APPL2: variants seen among roughly 807,000 people sequenced by gnomAD.
APPL2 encodes DCC-interacting protein 13-beta.
APPL2 carries 84 observed loss-of-function variants against 92.7 expected under a neutral mutation model. The ratio of observed to expected loss-of-function variants is 0.91; its 90% CI spans 0.76 to 1.09. APPL2 has a LOEUF of 1.09. Among genes scored for constraint, APPL2 ranks in the 50% least tolerant of loss-of-function variants. APPL2 has a pLI of 0.00. For synonymous variants in APPL2, 291 were observed against 291.0 expected (o/e 1.00, Z 0.00); for missense variants, 736 against 824.5 (o/e 0.89, Z 1.31).
At chr12:105,180,460 CTCT>C (rs1886002359) in intron 17 of APPL2, among the ~76,000 whole-genome samples, 2 of 152,164 alleles carry the variant, frequency 1.3e-5, no homozygotes, top group South Asian at 2.1e-4. Flanking sequence ...GCTATGCGGG[CTCT>C]TTTTTGGTTC....
At chr12:105,181,271 T>C (rs559578633) in intron 17 of APPL2, among the ~76,000 whole-genome samples, 8 of 152,344 alleles carry the variant, frequency 5.3e-5, no homozygotes, top group African/African-American at 1.9e-4. Context: ...TTTACTGATT[T>C]GCGTATGTCG....
chr12:105,214,634 G>C (rs1889512280), intron 4 of APPL2, among the ~76,000 whole-genome samples: 1 of 152,218 alleles, frequency 6.6e-6, no homozygotes, highest in Admixed American at 6.5e-5. Flanking sequence ...CTCATCAATA[G>C]AAGTGCTAGG....
intron 17 of APPL2, chr12:105,177,542 ATCC>A (rs1431029624): frequency 2.6e-5 from 12 of 463,320 alleles, no homozygotes; most frequent in African/African-American, 7.8e-5. Context: ...CAGCATTATA[ATCC>A]TCAACAGATC....
intron 12 of APPL2, 32 bp from the exon 13 acceptor site, chr12:105,195,533 C>T: frequency 1.2e-6 from 2 of 1,614,162 alleles, no homozygotes; most frequent in African/African-American, 1.3e-5. Context: ...AACACTGAAT[C>T]CCAAAGTCAC....
At chr12:105,177,298 T>C (rs1376311110) in intron 17 of APPL2, 36 bp from the exon 18 acceptor site, 1 of 1,588,652 alleles carries the variant, frequency 6.3e-7, no homozygotes, top group Non-Finnish European at 8.6e-7. Context: ...TCACAAATGT[T>C]GGATAAATTT....
chr12:105,197,122 C>A (rs1211552861), intron 11 of APPL2, among the ~76,000 whole-genome samples: 2 of 152,112 alleles, frequency 1.3e-5, no homozygotes, highest in African/African-American at 2.4e-5. Context: ...TCCATGGGAC[C>A]CTGAAGCCCC....
chr12:105,194,640 G>A (rs538448241), intron 14 of APPL2, among the ~76,000 whole-genome samples: 13 of 152,142 alleles, frequency 8.5e-5, no homozygotes, highest in South Asian at 2.1e-4. Context: ...GCAGTGAGCC[G>A]GGATTACTCC....
intron 17 of APPL2, among the ~76,000 whole-genome samples, chr12:105,184,158 A>G (rs117957345): frequency 0.014 from 2,108 of 152,238 alleles, 20 homozygotes; most frequent in Middle Eastern, 0.037. Context: ...AGCAGTTCCT[A>G]TAACCTTTTA....
intron 18 of APPL2, 51 bp downstream of exon 18, chr12:105,177,175 A>C: frequency 6.2e-7 from 1 of 1,605,918 alleles, no homozygotes; most frequent in South Asian, 1.1e-5. Context: ...AGGTAGATAC[A>C]AAGGTGAATT....
At chr12:105,208,917 T>A (rs1331575410) in intron 5 of APPL2, among the ~76,000 whole-genome samples, 1 of 152,228 alleles carries the variant, frequency 6.6e-6, no homozygotes, top group East Asian at 1.9e-4. Context: ...ATTTTCATTT[T>A]ATCAAACAAA....
intron 2 of APPL2, among the ~76,000 whole-genome samples, chr12:105,222,132 AGGGGTGT>A (rs1474928263): frequency 1.3e-5 from 2 of 152,132 alleles, no homozygotes; most frequent in Non-Finnish European, 2.9e-5. Flanking sequence ...GGGAGTAGTG[AGGGGTGT>A]GGCAAGAACG....
At chr12:105,209,122 C>T (rs1399032481) in intron 5 of APPL2, among the ~76,000 whole-genome samples, 1 of 152,006 alleles carries the variant, frequency 6.6e-6, no homozygotes, top group African/African-American at 2.4e-5. Context: ...GGTTTCTTTA[C>T]TTATCAATTT....
At position 105,197,751 on chromosome 12, in the gene APPL2, C is replaced by A. The variant is rs186820951; in HGVS notation, c.1052+14G>T. 9 of 1,613,944 alleles carry A rather than the reference C, an allele frequency of 5.6e-6. No individual in the cohort carries two copies. In the East Asian group the frequency reaches 2.0e-4, roughly 36 times the overall value. On this transcript the variant is annotated intron_variant, in intron 11 of 20. Transcript: ENST00000258530. ...ATACTCATTCTCCTCCCAAATAAAA[C>A]GCGTGAAACATACGATTTTCCATTG...
intron 17 of APPL2, among the ~76,000 whole-genome samples, chr12:105,184,038 C>T (rs559336923): frequency 6.6e-5 from 10 of 152,114 alleles, no homozygotes; most frequent in Non-Finnish European, 1.3e-4. Flanking sequence ...CTTTCTTCCA[C>T]TTGATCGATT....
In APPL2 at chr12:105,178,677, CG is replaced by C. The variant is rs1311948659; in HGVS notation, c.1635-1416del. On this transcript the variant is annotated intron_variant, in intron 17 of 20. Coordinates refer to ENST00000258530, the MANE Select transcript of APPL2 (RefSeq NM_018171.5). ...CTCACCTGATCTTGTGCAAGTCACC[CG>C]GACTTCTTACAACTGGTTCATCTGT... 3.9e-5 allele frequency among the ~76,000 whole-genome samples: 6 copies of C among 152,208 alleles called. No individual in the cohort carries two copies. The East Asian group carries it at 1.2e-3, about 29-fold the overall frequency.
At chr12:105,188,590 A>C in intron 16 of APPL2, 143 bp from the exon 17 acceptor site, 1 of 720,194 alleles carries the variant, frequency 1.4e-6, no homozygotes, top group Non-Finnish European at 2.3e-6. Context: ...TTATAAGCCC[A>C]ATATTGCCAA....
At chr12:105,223,263 A>G (rs760076628) in intron 2 of APPL2, among the ~76,000 whole-genome samples, 1 of 152,244 alleles carries the variant, frequency 6.6e-6, no homozygotes, top group Non-Finnish European at 1.5e-5. Context: ...CTGCACAGTA[A>G]CAACAGGCAA....
intron 17 of APPL2, among the ~76,000 whole-genome samples, chr12:105,183,845 A>G (rs1886353038): frequency 6.6e-6 from 1 of 152,160 alleles, no homozygotes; most frequent in Admixed American, 6.5e-5. Flanking sequence ...AATATCCTGA[A>G]GAGTGTTTTC....
chr12:105,236,067 C>A lies in APPL2; in HGVS notation c.-55G>T. 8.3e-7 allele frequency: 1 copy of A among 1,201,772 alleles called. No homozygotes were observed. The highest frequency in any genetic ancestry group is 1.6e-5 in the African/African-American group (1 of 62,424). 74.4% of individuals were successfully genotyped at this position (1,201,772 alleles called of 1,614,324 possible). ...TTGGAAGGACAGAGGGCAGGAGACG[C>A]GGCGGCCGAGAGCACTCCCCGGCTC... On this transcript the variant is annotated 5_prime_UTR_variant, in exon 1 of 21. Transcript: ENST00000258530.
Sources: gnomAD v4.1 joint callset for allele counts (sites outside exome capture counted in the v4.1 genomes callset) on GRCh38, gnomAD v4.1.1 for gene constraint, MANE v1.5 for transcripts, NCBI Gene and HGNC (gene_info 2026-07-23, HGNC 2026-07-21) for gene names.